Variants in DGKI observed in about 807,000 individuals in gnomAD.
DGKI encodes the protein DAG kinase iota.
Under a neutral mutation model 147.5 loss-of-function variants are expected in DGKI, and 55 were observed. That is an observed-to-expected ratio of 0.37 (90% CI 0.30 to 0.47). The LOEUF (loss-of-function observed/expected upper bound fraction) is 0.47, where lower values mean the gene tolerates loss of function less well. Ranked by LOEUF, DGKI falls within the 20% of genes least tolerant of loss-of-function variation. The probability of loss-of-function intolerance (pLI) is 1.00; values close to 1 mark genes in which losing one functional copy is unlikely to be tolerated. For missense variants in DGKI, 1,007 were observed against 1,323.8 expected (o/e 0.76, Z 3.71); for synonymous variants, 469 against 477.1 (o/e 0.98, Z 0.22).
At chr7:137,400,606 T>C (rs552450245) in intron 30 of DGKI, among the ~76,000 whole-genome samples, 1 of 152,314 alleles carries the variant, frequency 6.6e-6, no homozygotes, top group South Asian at 2.1e-4. Context: ...ATTCCAGAGC[T>C]GATTATCCAG....
At position 137,826,515 on chromosome 7, in the gene DGKI, C is replaced by T. The variant is rs374724984; in HGVS notation, c.401+19947G>A. 7.0e-4 allele frequency among the ~76,000 whole-genome samples: 106 copies of T among 152,324 alleles called. 2 individuals carry two copies. In the South Asian group the frequency reaches 0.013, roughly 19 times the overall value. ...TTAACTGGTCCAGCCAATCTCTATT[C>T]ATGTAACAGTGTTAGACAGTAACAC... is the stretch of plus-strand genomic sequence containing the variant. On this transcript the variant is annotated intron_variant, in intron 1 of 32. Coordinates refer to ENST00000614521, the MANE Select transcript of DGKI (RefSeq NM_001321708.2).
At chr7:137,414,091 C>A (rs1458136606) in intron 28 of DGKI, among the ~76,000 whole-genome samples, 1 of 152,166 alleles carries the variant, frequency 6.6e-6, no homozygotes, top group South Asian at 2.1e-4. Context: ...AGTGCTGTAT[C>A]ATGCATTAAA....
intron 1 of DGKI, among the ~76,000 whole-genome samples, chr7:137,728,824 G>T (rs903778747): frequency 3.5e-4 from 53 of 152,182 alleles, no homozygotes; most frequent in African/African-American, 1.2e-3. Context: ...GGCTGGCAGG[G>T]GAGCTATTCT....
At chr7:137,489,609 A>C (rs1323153099) in intron 21 of DGKI, among the ~76,000 whole-genome samples, 2 of 152,188 alleles carry the variant, frequency 1.3e-5, no homozygotes, top group African/African-American at 4.8e-5. Context: ...AGAGCAGAAT[A>C]GAATTTCTAA....
intron 3 of DGKI, among the ~76,000 whole-genome samples, chr7:137,668,261 G>A (rs1822713017): frequency 6.6e-6 from 1 of 152,122 alleles, no homozygotes; most frequent in Non-Finnish European, 1.5e-5. Context: ...GTGCCAAGAT[G>A]GCAAAAAGCA....
intron 1 of DGKI, among the ~76,000 whole-genome samples, chr7:137,787,647 G>C (rs1796714387): frequency 6.6e-6 from 1 of 152,128 alleles, no homozygotes; most frequent in South Asian, 2.1e-4. Context: ...ATATGAAAAA[G>C]ATACTTGCAC....
intron 1 of DGKI, among the ~76,000 whole-genome samples, chr7:137,805,975 C>T (rs1175946912): frequency 2.0e-5 from 3 of 152,224 alleles, no homozygotes; most frequent in Non-Finnish European, 4.4e-5. Flanking sequence ...CTAAATAATA[C>T]AGGCTGTATT....
intron 20 of DGKI, among the ~76,000 whole-genome samples, chr7:137,527,999 C>T (rs1817211462): frequency 6.6e-6 from 1 of 152,192 alleles, no homozygotes; most frequent in Non-Finnish European, 1.5e-5. Flanking sequence ...CTTTGCAGCT[C>T]CAGCAGCTAG....
chr7:137,384,618 ATATGCAT>A lies in DGKI; in HGVS notation c.*6595_*6601del, dbSNP rs1811132917. The A allele has an allele frequency of 6.6e-6, 1 of 152,066 alleles. No homozygotes were observed. Among genetic ancestry groups the A allele is most frequent in the East Asian group, 1.9e-4 (1 of 5,190 alleles). 9.4% of individuals were successfully genotyped at this position (152,066 alleles called of 1,614,324 possible). ...TCAGTGCATTCATCTAAAATGTATT[ATATGCAT>A]TATTCACCTCGTTGGGGTTGTTTTG... On this transcript the variant is annotated 3_prime_UTR_variant, in exon 33 of 33. Transcript: ENST00000614521.
rs1815517263 is a variant in DGKI at position 137,485,372 on chromosome 7, A to G, written c.2373+2T>C. 6.2e-7 allele frequency: 1 copy of G among 1,606,440 alleles called. No individual in the cohort carries two copies. Among genetic ancestry groups the G allele is most frequent in the African/African-American group, 1.3e-5 (1 of 74,542 alleles). The stretch of plus-strand genomic sequence containing the variant: ...AAACAAGGAGAGTCAATTATTTGTT[A>G]CCTGGTAATGAACTCTCTGGGAGCC... On this transcript the variant is annotated splice_donor_variant, in intron 23 of 32. Transcript: ENST00000614521. LOFTEE classifies it high-confidence loss of function.
intron 10 of DGKI, among the ~76,000 whole-genome samples, chr7:137,605,750 G>T (rs2128991620): frequency 6.6e-6 from 1 of 152,324 alleles, no homozygotes; most frequent in South Asian, 2.1e-4. Flanking sequence ...ATGTAGTAGA[G>T]CTAAGAAAGT....
intron 28 of DGKI, among the ~76,000 whole-genome samples, chr7:137,430,773 G>A (rs1813039433): frequency 1.3e-5 from 2 of 152,028 alleles, no homozygotes; most frequent in South Asian, 2.1e-4. Context: ...AGTCAGCTTA[G>A]CAGAATGAAG....
intron 19 of DGKI, among the ~76,000 whole-genome samples, chr7:137,565,920 C>A (rs531006741): frequency 1.3e-5 from 2 of 152,050 alleles, no homozygotes; most frequent in Admixed American, 1.3e-4. Context: ...TTTGCAATTA[C>A]AAGATAAAGA....
chr7:137,840,765 A>G (rs980247386), intron 1 of DGKI, among the ~76,000 whole-genome samples: 6 of 152,260 alleles, frequency 3.9e-5, no homozygotes, highest in Non-Finnish European at 8.8e-5. Flanking sequence ...CCAAGAATGA[A>G]TAACAGTAGT....
In DGKI at chr7:137,842,845, A is replaced by G. The variant is rs1798585702; in HGVS notation, c.401+3617T>C. On this transcript the variant is annotated intron_variant, in intron 1 of 32. Coordinates refer to ENST00000614521, the MANE Select transcript of DGKI (RefSeq NM_001321708.2). ...ACAAGCCAAAAAAAGGTATGCAATAATATATAATAATAATAATATGTAATG... is the reference window on the plus strand; with the variant it reads ...ACAAGCCAAAAAAAGGTATGCAATAGTATATAATAATAATAATATGTAATG... Among the ~76,000 whole-genome samples, 16 of 152,332 alleles carry G rather than the reference A, an allele frequency of 1.1e-4. No individual in the cohort carries two copies. The South Asian group carries it at 3.1e-3, about 30-fold the overall frequency.
At chr7:137,656,284 A>C in intron 4 of DGKI, among the ~76,000 whole-genome samples, 182 bp downstream of exon 4, 1 of 152,202 alleles carries the variant, frequency 6.6e-6, no homozygotes, top group African/African-American at 2.4e-5. Context: ...CACTTCAGCA[A>C]ACAAGAGAGT....
At chr7:137,583,745 T>C (rs1430303224) in intron 14 of DGKI, among the ~76,000 whole-genome samples, 1 of 152,260 alleles carries the variant, frequency 6.6e-6, no homozygotes, top group South Asian at 2.1e-4. Context: ...ACTTACAATA[T>C]CCATATGGTA....
chr7:137,396,902 G>A (rs1393199063), intron 31 of DGKI, among the ~76,000 whole-genome samples: 1 of 152,220 alleles, frequency 6.6e-6, no homozygotes, highest in African/African-American at 2.4e-5. Context: ...ACAGAAAATA[G>A]AGTGACTATG....
intron 1 of DGKI, among the ~76,000 whole-genome samples, chr7:137,781,435 C>A (rs1413773088): frequency 3.9e-5 from 6 of 152,216 alleles, no homozygotes; most frequent in Admixed American, 3.9e-4. Flanking sequence ...ACTAACAATT[C>A]ATCAGCAGTT....
Sources: gnomAD v4.1 joint callset for allele counts (sites outside exome capture counted in the v4.1 genomes callset) on GRCh38, gnomAD v4.1.1 for gene constraint, MANE v1.5 for transcripts, NCBI Gene and HGNC (gene_info 2026-07-23, HGNC 2026-07-21) for gene names.